The following MAPK10 variants were observed in gnomAD, a reference collection of about 807,000 sequenced individuals.
MAPK10 encodes the protein mitogen-activated protein kinase 10.
Under a neutral mutation model 59.3 loss-of-function variants are expected in MAPK10, and 25 were observed. The ratio of observed to expected loss-of-function variants is 0.42; its 90% CI spans 0.31 to 0.59. The LOEUF is 0.59. MAPK10 is among the 20% of genes least tolerant of loss of function. The pLI, the probability that MAPK10 is intolerant of heterozygous loss-of-function variation, is 0.15. For missense variants in MAPK10, 351 were observed against 568.9 expected (o/e 0.62, Z 3.90); for synonymous variants, 190 against 200.5 (o/e 0.95, Z 0.44).
At chr4:86,518,907 A>G (rs1191241537) in intron 1 of MAPK10, among the ~76,000 whole-genome samples, 4 of 151,902 alleles carry the variant, frequency 2.6e-5, no homozygotes, top group Admixed American at 2.6e-4. Flanking sequence ...TTTCATTTCC[A>G]TGTATTTGTA....
chr4:86,335,522 C>G (rs1720680538), intron 2 of MAPK10, among the ~76,000 whole-genome samples: 1 of 152,076 alleles, frequency 6.6e-6, no homozygotes, highest in Non-Finnish European at 1.5e-5. Context: ...TCTTGCTCTT[C>G]CTCTCTCACC....
At chr4:86,234,805 T>C (rs937240405) in intron 2 of MAPK10, among the ~76,000 whole-genome samples, 4 of 152,172 alleles carry the variant, frequency 2.6e-5, no homozygotes, top group Non-Finnish European at 2.9e-5. Context: ...GGGAAACTTA[T>C]AATATTAGAC....
intron 1 of MAPK10, among the ~76,000 whole-genome samples, chr4:86,546,414 G>A (rs887501804): frequency 5.9e-5 from 9 of 151,714 alleles, no homozygotes; most frequent in East Asian, 1.9e-4. Context: ...AAAATTAGCC[G>A]GACATGGTGG....
At chr4:86,322,547 G>T (rs779559711) in intron 2 of MAPK10, among the ~76,000 whole-genome samples, 4 of 152,212 alleles carry the variant, frequency 2.6e-5, no homozygotes, top group Non-Finnish European at 4.4e-5. Context: ...GAGAAGAAGC[G>T]ACAGTACCTT....
At chr4:86,171,520 C>T (rs1009569025) in intron 3 of MAPK10, among the ~76,000 whole-genome samples, 2 of 151,948 alleles carry the variant, frequency 1.3e-5, no homozygotes, top group Admixed American at 1.3e-4. Context: ...AACTGGCTAG[C>T]CATATGTAGA....
chr4:86,036,325 C>A (rs1192330306), intron 11 of MAPK10, among the ~76,000 whole-genome samples: 1 of 151,924 alleles, frequency 6.6e-6, no homozygotes, highest in African/African-American at 2.4e-5. Context: ...AGAAAAAGAT[C>A]CTCAACACCA....
intron 1 of MAPK10, among the ~76,000 whole-genome samples, chr4:86,452,812 C>T (rs1750883208): frequency 6.6e-6 from 1 of 152,110 alleles, no homozygotes; most frequent in Admixed American, 6.5e-5. Flanking sequence ...TGGAGGCTTG[C>T]ATCGTGAACT....
chr4:86,519,635 A>G (rs58408311), intron 1 of MAPK10, among the ~76,000 whole-genome samples: 436 of 152,188 alleles, frequency 2.9e-3, no homozygotes, highest in African/African-American at 9.9e-3. Context: ...AATGTGAGGT[A>G]ATGTTCTATT....
At chr4:86,156,650 GAAAATGTTCCTTGGCTTGGCAAGAAAC>G (rs1387343186) in intron 4 of MAPK10, among the ~76,000 whole-genome samples, 11 of 152,052 alleles carry the variant, frequency 7.2e-5, no homozygotes, top group Admixed American at 3.3e-4. Context: ...TGAGAAAGTA[GAAAATGTTCCTTGGCTTGGCAAGAAAC>G]AGCAGGATAG....
Position 86,413,127 on chromosome 4 carries a change from T to C in MAPK10, c.-122+39903A>G, listed in dbSNP as rs189802109. ...TTTGTTGATGTTGATGCTATTCCTTTCTGTTTGTGAGTTTTCCTTCTAACA... is the reference window on the plus strand; with the variant it reads ...TTTGTTGATGTTGATGCTATTCCTTCCTGTTTGTGAGTTTTCCTTCTAACA... On this transcript the variant is annotated intron_variant, in intron 1 of 13. Coordinates refer to the MAPK10 transcript ENST00000361569. Among the ~76,000 whole-genome samples, 164 of 152,322 alleles carry C rather than the reference T, an allele frequency of 1.1e-3. 2 individuals carry two copies. The highest frequency in any genetic ancestry group is 3.7e-3 in the African/African-American group (152 of 41,564).
intron 4 of MAPK10, among the ~76,000 whole-genome samples, chr4:86,158,321 T>C (rs867029627): frequency 1.5e-4 from 23 of 151,856 alleles, no homozygotes; most frequent in African/African-American, 5.6e-4. Context: ...TTAGCCCCAC[T>C]GGGCTAAAAT....
chr4:86,278,031 CA>C (rs2094648270), intron 2 of MAPK10, among the ~76,000 whole-genome samples: 1 of 151,914 alleles, frequency 6.6e-6, no homozygotes, highest in Non-Finnish European at 1.5e-5. Flanking sequence ...GTAAAACATA[CA>C]AAAGAGGATG....
intron 2 of MAPK10, among the ~76,000 whole-genome samples, chr4:86,333,626 C>T (rs188419808): frequency 5.9e-5 from 9 of 152,300 alleles, no homozygotes; most frequent in East Asian, 3.9e-4. Context: ...CTGGACAGTG[C>T]ACTCCCATGC....
chr4:86,473,132 T>C (rs565110188), intron 1 of MAPK10, among the ~76,000 whole-genome samples: 1 of 152,342 alleles, frequency 6.6e-6, no homozygotes, highest in Non-Finnish European at 1.5e-5. Context: ...CTGATTCACT[T>C]ATATTTGAAA....
intron 1 of MAPK10, among the ~76,000 whole-genome samples, chr4:86,470,300 A>T (rs762214817): frequency 5.9e-5 from 9 of 152,186 alleles, no homozygotes. Flanking sequence ...CATGAAGTTG[A>T]TGTCATTTGG....
At chr4:86,112,149 A>G (rs1483447088) in intron 4 of MAPK10, among the ~76,000 whole-genome samples, 4 of 19,222 alleles carry the variant, frequency 2.1e-4, no homozygotes, top group African/African-American at 4.3e-4. Flanking sequence ...TAACTTTTCC[A>G]AAAAAAAAAA....
At chr4:86,178,312 G>T (rs2076149340) in intron 3 of MAPK10, among the ~76,000 whole-genome samples, 1 of 151,958 alleles carries the variant, frequency 6.6e-6, no homozygotes, top group African/African-American at 2.4e-5. Context: ...TATTCAATAG[G>T]TAGTGAGGGG....
At chr4:86,131,200 T>C (rs1292187106) in intron 4 of MAPK10, among the ~76,000 whole-genome samples, 2 of 152,138 alleles carry the variant, frequency 1.3e-5, no homozygotes, top group Non-Finnish European at 2.9e-5. Context: ...TTTCAAGGAA[T>C]TGAGATGGTT....
intron 4 of MAPK10, 111 bp downstream of exon 4, chr4:86,159,187 C>T: frequency 1.3e-6 from 1 of 794,284 alleles, no homozygotes; most frequent in Non-Finnish European, 1.9e-6. Flanking sequence ...ATTATTTTTC[C>T]CTCCCAAATT....
Sources: allele counts gnomAD v4.1 joint callset (sites outside exome capture counted in the v4.1 genomes callset), GRCh38; gene constraint gnomAD v4.1.1; transcripts MANE v1.5; gene names NCBI Gene and HGNC (gene_info 2026-07-23, HGNC 2026-07-21).